The following PKP4 variants were observed in gnomAD, a reference collection of about 807,000 sequenced individuals.
PKP4 encodes the protein plakophilin 4.
In PKP4, 90 loss-of-function variants were observed where a neutral mutation model predicts 145.1. That is an observed-to-expected ratio of 0.62 (90% CI 0.52 to 0.74). PKP4 has a LOEUF of 0.74. PKP4 is among the 30% of genes least tolerant of loss of function. PKP4 has a pLI of 0.00. For missense variants in PKP4, 1,340 were observed against 1,482.7 expected (o/e 0.90, Z 1.58); for synonymous variants, 563 against 577.2 (o/e 0.98, Z 0.35).
In PKP4 at chr2:158,642,582, G is replaced by A. The variant is rs756976384; in HGVS notation, c.1792G>A (p.Val598Ile). ...TGCTTGTGGTGCCCTTCGAAACCTC[G>A]TTTTTGGCAAGTCTACAGATGAAAA... ...KNACGALRNL[V>I]FGKSTDENKI... Residue 598 changes from valine to isoleucine, a missense_variant, in exon 11 of 22, where the codon GTT (valine) becomes ATT (isoleucine). Val to Ile is a conservative substitution (Grantham distance 29). Transcript: ENST00000389759. The A allele has an allele frequency of 5.3e-5, 85 of 1,613,718 alleles. 1 individual carries two copies. The highest frequency in any genetic ancestry group is 9.9e-5 in the South Asian group (9 of 91,030).
At chr2:158,532,090 T>A (rs1366877053) in intron 1 of PKP4, among the ~76,000 whole-genome samples, 1 of 152,184 alleles carries the variant, frequency 6.6e-6, no homozygotes, top group African/African-American at 2.4e-5. Flanking sequence ...AGACTGATAC[T>A]GAAATTTGAG....
At chr2:158,593,498 G>A (rs1268783483) in intron 3 of PKP4, among the ~76,000 whole-genome samples, 1 of 152,046 alleles carries the variant, frequency 6.6e-6, no homozygotes, top group Admixed American at 6.5e-5. Flanking sequence ...CGTCCTTTTT[G>A]ATCTTCCCTT....
chr2:158,481,169 C>T (rs1693293531), intron 1 of PKP4, among the ~76,000 whole-genome samples: 1 of 152,122 alleles, frequency 6.6e-6, no homozygotes, highest in Non-Finnish European at 1.5e-5. Context: ...AGCAATCCTC[C>T]CACCTCAGCC....
chr2:158,545,417 A>G (rs1213619380), intron 2 of PKP4, among the ~76,000 whole-genome samples: 1 of 152,146 alleles, frequency 6.6e-6, no homozygotes, highest in Non-Finnish European at 1.5e-5. Flanking sequence ...TAAGTCATAA[A>G]CCGCTGAAGG....
chr2:158,656,135 T>TC (rs1274370857), intron 11 of PKP4, among the ~76,000 whole-genome samples: 12 of 152,166 alleles, frequency 7.9e-5, no homozygotes, highest in Non-Finnish European at 1.8e-4. Context: ...TCTGAGTCAA[T>TC]TGAGGTGGGG....
chr2:158,598,219 A>G (rs571467132), intron 3 of PKP4, among the ~76,000 whole-genome samples: 1 of 152,256 alleles, frequency 6.6e-6, no homozygotes, highest in East Asian at 1.9e-4. Context: ...TAACCCTTGG[A>G]TCTTGTCCTA....
intron 1 of PKP4, among the ~76,000 whole-genome samples, chr2:158,492,663 T>A (rs561904959): frequency 1.3e-5 from 2 of 152,350 alleles, no homozygotes; most frequent in East Asian, 1.9e-4. Context: ...CTTTGCCTGT[T>A]ACAATAGTAT....
intron 1 of PKP4, 146 bp from the exon 2 acceptor site, chr2:158,533,034 G>A (rs2043712470): frequency 7.2e-6 from 5 of 692,270 alleles, no homozygotes; most frequent in Non-Finnish European, 1.1e-5. Context: ...TTGGTTACCT[G>A]TTTAGAAAAT....
intron 2 of PKP4, among the ~76,000 whole-genome samples, chr2:158,571,648 TAAAG>T (rs1287766507): frequency 1.3e-5 from 2 of 152,166 alleles, no homozygotes; most frequent in Non-Finnish European, 2.9e-5. Flanking sequence ...GATTAAAAGA[TAAAG>T]AGTTTGTAAA....
At chr2:158,495,406 T>C (rs1255811482) in intron 1 of PKP4, among the ~76,000 whole-genome samples, 3 of 151,278 alleles carry the variant, frequency 2.0e-5, no homozygotes, top group Non-Finnish European at 4.4e-5. Flanking sequence ...TCACTTCTAA[T>C]GTGCTATATA....
chr2:158,607,389 A>G (rs1395300605), intron 4 of PKP4, among the ~76,000 whole-genome samples: 1 of 152,188 alleles, frequency 6.6e-6, no homozygotes, highest in Non-Finnish European at 1.5e-5. Context: ...GTAGTTCAAC[A>G]TACGGAATTT....
At chr2:158,603,848 G>C (rs2050429576) in intron 4 of PKP4, among the ~76,000 whole-genome samples, 2 of 152,102 alleles carry the variant, frequency 1.3e-5, no homozygotes, top group Admixed American at 1.3e-4. Context: ...TAAATACTTT[G>C]GCCCTTTTCA....
chr2:158,509,226 A>G (rs181871513), intron 1 of PKP4, among the ~76,000 whole-genome samples: 60 of 152,334 alleles, frequency 3.9e-4, no homozygotes, highest in African/African-American at 1.4e-3. Context: ...TCAATTTTGT[A>G]TACTGAAATT....
intron 16 of PKP4, among the ~76,000 whole-genome samples, chr2:158,668,552 C>T (rs887691351): frequency 6.6e-6 from 1 of 152,254 alleles, no homozygotes; most frequent in Admixed American, 6.5e-5. Flanking sequence ...GCCTAACCCC[C>T]AGGAGTGCAA....
chr2:158,605,054 A>C (rs1361635843), intron 4 of PKP4, among the ~76,000 whole-genome samples: 2 of 152,180 alleles, frequency 1.3e-5, no homozygotes, highest in African/African-American at 4.8e-5. Flanking sequence ...CCACTTTGTC[A>C]CAGCATTTAA....
intron 2 of PKP4, among the ~76,000 whole-genome samples, chr2:158,576,820 A>G (rs78397173): frequency 1.4e-4 from 20 of 138,616 alleles, no homozygotes; most frequent in African/African-American, 5.1e-4. Context: ...TTAAAAGACT[A>G]TATCAAACAT....
At chr2:158,546,657 G>A (rs1339739835) in intron 2 of PKP4, among the ~76,000 whole-genome samples, 2 of 152,152 alleles carry the variant, frequency 1.3e-5, no homozygotes, top group Non-Finnish European at 2.9e-5. Flanking sequence ...GCAGCTCAGA[G>A]GATAGAAGAT....
chr2:158,511,584 G>A (rs1052464462), intron 1 of PKP4, among the ~76,000 whole-genome samples: 2 of 152,104 alleles, frequency 1.3e-5, no homozygotes, highest in Admixed American at 6.5e-5. Context: ...GTATTTAACT[G>A]ATGTACTATA....
At chr2:158,485,574 G>T (rs535423226) in intron 1 of PKP4, among the ~76,000 whole-genome samples, 1 of 152,284 alleles carries the variant, frequency 6.6e-6, no homozygotes, top group East Asian at 1.9e-4. Context: ...AAGTGTACTG[G>T]GTGGTCAGTG....
Sources: allele counts gnomAD v4.1 joint callset (sites outside exome capture counted in the v4.1 genomes callset), GRCh38; gene constraint gnomAD v4.1.1; transcripts MANE v1.5; gene names NCBI Gene and HGNC (gene_info 2026-07-23, HGNC 2026-07-21).